XPR1: variants seen among roughly 807,000 people sequenced by gnomAD.
XPR1 encodes the protein xenotropic and polytropic retrovirus receptor 1, also known as solute carrier family 53 member 1.
XPR1 carries 28 observed loss-of-function variants against 87.5 expected under a neutral mutation model. That is an observed-to-expected ratio of 0.32 (90% confidence interval 0.24 to 0.44). The LOEUF (loss-of-function observed/expected upper bound fraction) is 0.44, where lower values mean the gene tolerates loss of function less well. XPR1 is among the 20% of genes least tolerant of loss of function. The probability of loss-of-function intolerance (pLI) is 1.00; values close to 1 mark genes in which losing one functional copy is unlikely to be tolerated. For synonymous variants in XPR1, 300 were observed against 306.1 expected, an observed-to-expected ratio of 0.98 and a Z score of 0.21; for missense variants, 559 against 862.3, an observed-to-expected ratio of 0.65 and a Z score of 4.41.
chr1:180,853,668 C>G (rs1651942140), intron 11 of XPR1, among the ~76,000 whole-genome samples: 1 of 147,406 alleles, frequency 6.8e-6, no homozygotes, highest in African/African-American at 2.5e-5. Context: ...CACACACACA[C>G]CCTACCTCTT....
chr1:180,725,432 C>G (rs1422548451), intron 2 of XPR1, among the ~76,000 whole-genome samples: 1 of 152,046 alleles, frequency 6.6e-6, no homozygotes, highest in Non-Finnish European at 1.5e-5. Context: ...AACACTATTG[C>G]ACTATCACCC....
chr1:180,704,278 T>TATATATATATATATATATATA (rs1192955477), intron 2 of XPR1, among the ~76,000 whole-genome samples: 6 of 31,922 alleles, frequency 1.9e-4, no homozygotes, highest in South Asian at 1.0e-3. Context: ...ATATATATAT[T>TATATATATATATATATATATA]ATCAGATTAT....
chr1:180,761,691 A>G (rs1221112542), intron 2 of XPR1, among the ~76,000 whole-genome samples: 1 of 152,180 alleles, frequency 6.6e-6, no homozygotes, highest in Non-Finnish European at 1.5e-5. Flanking sequence ...AACTAGTTCA[A>G]CCCTTGTGGA....
chr1:180,876,553 T>C (rs1019031142), intron 13 of XPR1, among the ~76,000 whole-genome samples: 2 of 151,906 alleles, frequency 1.3e-5, no homozygotes, highest in African/African-American at 4.8e-5. Context: ...GGAGAATTGC[T>C]TGAACCCAGG....
chr1:180,756,170 A>G (rs570508048), intron 2 of XPR1, among the ~76,000 whole-genome samples: 1 of 148,870 alleles, frequency 6.7e-6, no homozygotes, highest in African/African-American at 2.4e-5. Flanking sequence ...CTTAAATCCA[A>G]TCAGGAGGAA....
At chr1:180,875,597 T>C (rs1652636702) in intron 13 of XPR1, among the ~76,000 whole-genome samples, 1 of 151,676 alleles carries the variant, frequency 6.6e-6, no homozygotes, top group Non-Finnish European at 1.5e-5. Flanking sequence ...GCTAGGGCCA[T>C]GCTTACAAGG....
At chr1:180,680,642 C>T (rs1223418916) in intron 1 of XPR1, among the ~76,000 whole-genome samples, 5 of 152,096 alleles carry the variant, frequency 3.3e-5, no homozygotes, top group Admixed American at 2.6e-4. Context: ...GGATTGCAGG[C>T]GTGAGCACTG....
chr1:180,649,634 A>G (rs901404288), intron 1 of XPR1, among the ~76,000 whole-genome samples: 1 of 152,182 alleles, frequency 6.6e-6, no homozygotes, highest in Non-Finnish European at 1.5e-5. Flanking sequence ...CTTTAAGTAA[A>G]CATATTCCTA....
At chr1:180,639,550 T>G (rs186713421) in intron 1 of XPR1, among the ~76,000 whole-genome samples, 44 of 152,338 alleles carry the variant, frequency 2.9e-4, no homozygotes, top group Admixed American at 1.1e-3. Context: ...CAAGTGATTT[T>G]TTTCAAGGAC....
At chr1:180,657,352 A>G (rs1169251667) in intron 1 of XPR1, among the ~76,000 whole-genome samples, 2 of 152,140 alleles carry the variant, frequency 1.3e-5, no homozygotes, top group Admixed American at 6.5e-5. Context: ...GGGGTATTCA[A>G]GAAATCTTAG....
chr1:180,779,940 A>C (rs940839458), intron 2 of XPR1, among the ~76,000 whole-genome samples: 1 of 152,084 alleles, frequency 6.6e-6, no homozygotes, highest in African/African-American at 2.4e-5. Context: ...GATCTTAACT[A>C]TCTGGCTTCT....
chr1:180,775,482 C>A (rs1648678378), intron 2 of XPR1, among the ~76,000 whole-genome samples: 1 of 152,078 alleles, frequency 6.6e-6, no homozygotes, highest in South Asian at 2.1e-4. Flanking sequence ...TAATAGTATT[C>A]ATCTTGGATT....
chr1:180,849,665 C>T (rs1651801599), intron 11 of XPR1, among the ~76,000 whole-genome samples: 1 of 152,130 alleles, frequency 6.6e-6, no homozygotes, highest in South Asian at 2.1e-4. Flanking sequence ...AAAATCTTAG[C>T]AGTCAAGTGA....
intron 2 of XPR1, among the ~76,000 whole-genome samples, chr1:180,739,939 T>A (rs1170520845): frequency 1.3e-5 from 2 of 152,228 alleles, no homozygotes; most frequent in East Asian, 1.9e-4. Context: ...CTGGAACTCC[T>A]GACCTCAAGT....
chr1:180,777,199 T>C (rs1558003215), intron 2 of XPR1, among the ~76,000 whole-genome samples: 1 of 152,202 alleles, frequency 6.6e-6, no homozygotes, highest in African/African-American at 2.4e-5. Context: ...TTTGAATTTT[T>C]TCACTTCTCT....
chr1:180,652,595 G>C (rs73049468), intron 1 of XPR1, among the ~76,000 whole-genome samples: 6,548 of 152,128 alleles, frequency 0.043, 502 homozygotes, highest in African/African-American at 0.15. Context: ...TTATTTTATT[G>C]TTGTTAAATA....
chr1:180,812,837 A>G (rs1291585369), intron 7 of XPR1, among the ~76,000 whole-genome samples: 3 of 151,776 alleles, frequency 2.0e-5, no homozygotes, highest in Non-Finnish European at 4.4e-5. Flanking sequence ...TTTAGTAGAG[A>G]TGAGGTTTCA....
chr1:180,814,081 G>A (rs955678078), intron 7 of XPR1, among the ~76,000 whole-genome samples: 2 of 152,088 alleles, frequency 1.3e-5, no homozygotes, highest in Non-Finnish European at 2.9e-5. Context: ...GTAGATGTTC[G>A]AGAGATAATT....
chr1:180,767,081 C>G (rs1648315063), intron 2 of XPR1, among the ~76,000 whole-genome samples: 1 of 152,160 alleles, frequency 6.6e-6, no homozygotes, highest in South Asian at 2.1e-4. Context: ...CTCACTTGAC[C>G]AAGTTCTTGT....
Sources: allele counts gnomAD v4.1 joint callset (sites outside exome capture counted in the v4.1 genomes callset), GRCh38; gene constraint gnomAD v4.1.1; transcripts MANE v1.5; gene names NCBI Gene and HGNC (gene_info 2026-07-23, HGNC 2026-07-21).